Variants in LRP1B observed in about 807,000 individuals in gnomAD.
LRP1B encodes the protein LDL receptor related protein 1B.
A neutral mutation model predicts 556.6 loss-of-function variants in LRP1B; 217 were observed. The observed-to-expected ratio is 0.39, with a 90% CI of 0.35 to 0.44. The LOEUF is 0.44. Ranked by LOEUF, LRP1B falls within the 20% of genes least tolerant of loss-of-function variation. LRP1B has a pLI of 1.00. For synonymous variants in LRP1B, 2,047 were observed against 1,865.8 expected (o/e 1.10, Z -2.50); for missense variants, 5,053 against 5,620.8 (o/e 0.90, Z 3.23).
intron 23 of LRP1B, among the ~76,000 whole-genome samples, chr2:140,892,421 G>T (rs925481044): frequency 6.6e-6 from 1 of 152,120 alleles, no homozygotes; most frequent in Non-Finnish European, 1.5e-5. Flanking sequence ...GGAAATTAAG[G>T]CTAGTGAGTA....
chr2:140,242,573 A>T (rs190466792), intron 87 of LRP1B, among the ~76,000 whole-genome samples: 1 of 151,158 alleles, frequency 6.6e-6, no homozygotes, highest in African/African-American at 2.4e-5. Context: ...AGAATAACAA[A>T]TAAATGGGTT....
At chr2:142,043,898 CAT>C (rs1297530624) in intron 1 of LRP1B, among the ~76,000 whole-genome samples, 1 of 151,692 alleles carries the variant, frequency 6.6e-6, no homozygotes, top group Non-Finnish European at 1.5e-5. Context: ...ATAGGTGAGA[CAT>C]ATTTTGAATA....
At chr2:141,144,690 C>T (rs1701739063) in intron 7 of LRP1B, among the ~76,000 whole-genome samples, 1 of 152,220 alleles carries the variant, frequency 6.6e-6, no homozygotes, top group Admixed American at 6.5e-5. Flanking sequence ...ATAAAAGTAC[C>T]ATCAGGCACA....
chr2:141,755,215 C>T (rs770254291), intron 2 of LRP1B, among the ~76,000 whole-genome samples: 4 of 151,966 alleles, frequency 2.6e-5, no homozygotes, highest in Non-Finnish European at 4.4e-5. Flanking sequence ...CCATAAATTG[C>T]TTTAAAAGGC....
intron 7 of LRP1B, among the ~76,000 whole-genome samples, chr2:141,172,736 A>G (rs2105147971): frequency 6.6e-6 from 1 of 152,198 alleles, no homozygotes; most frequent in Non-Finnish European, 1.5e-5. Flanking sequence ...AAGTCTGTGG[A>G]AAAATAGACA....
At chr2:140,809,813 T>G (rs557664564) in intron 32 of LRP1B, among the ~76,000 whole-genome samples, 1 of 152,278 alleles carries the variant, frequency 6.6e-6, no homozygotes, top group South Asian at 2.1e-4. Flanking sequence ...ACTGCCTTTC[T>G]TCCCACGTGT....
intron 84 of LRP1B, among the ~76,000 whole-genome samples, chr2:140,286,880 G>A (rs1278355213): frequency 2.0e-5 from 3 of 151,622 alleles, no homozygotes; most frequent in African/African-American, 7.3e-5. Context: ...ATTTACAGAA[G>A]ACTTTTCTTA....
chr2:140,630,474 T>G (rs528724418), intron 41 of LRP1B, among the ~76,000 whole-genome samples: 2 of 152,242 alleles, frequency 1.3e-5, no homozygotes, highest in East Asian at 3.9e-4. Flanking sequence ...TGAGATCAGC[T>G]CACCAGGAGA....
intron 83 of LRP1B, among the ~76,000 whole-genome samples, chr2:140,314,576 T>G (rs1380732328): frequency 6.6e-6 from 1 of 152,088 alleles, no homozygotes; most frequent in Non-Finnish European, 1.5e-5. Context: ...AACAATTGAT[T>G]TTTAGCATTA....
At chr2:141,971,324 G>A (rs1447044601) in intron 1 of LRP1B, among the ~76,000 whole-genome samples, 1 of 151,330 alleles carries the variant, frequency 6.6e-6, no homozygotes, top group East Asian at 1.9e-4. Context: ...AGGTTACACA[G>A]AAGAAAAGTT....
In LRP1B at chr2:140,274,445, T is replaced by C; in HGVS notation, c.13121A>G (p.Asp4374Gly). 1 of 1,612,422 alleles carries C rather than the reference T, an allele frequency of 6.2e-7. No homozygotes were observed. The highest frequency in any genetic ancestry group is 8.5e-7 in the Non-Finnish European group (1 of 1,178,930). Residue 4374 changes from aspartate to glycine, a missense_variant, in exon 85 of 91, where the codon GAC becomes GGC. Around this residue, in one of 5 missense-constraint regions of LRP1B, gnomAD observed 551 missense variants for 592.0 expected, o/e 0.93. Coordinates refer to ENST00000389484, the MANE Select transcript of LRP1B (RefSeq NM_018557.3). ...TTACTTGCAAAATATATCTTCACTG[T>C]CTTTATTTATAATGCAGTGCCCCCC... ...CHGGHCIINK[D>G]SEDIFCNCTN...
At chr2:140,346,702 TTGTGTGTGCATGCATG>T (rs1324074051) in intron 77 of LRP1B, among the ~76,000 whole-genome samples, 1 of 151,770 alleles carries the variant, frequency 6.6e-6, no homozygotes. Flanking sequence ...CCTATGCACT[TTGTGTGTGCATGCATG>T]TGTGTGTGTA....
intron 3 of LRP1B, among the ~76,000 whole-genome samples, chr2:141,293,530 C>T (rs1435839230): frequency 6.6e-6 from 1 of 152,014 alleles, no homozygotes; most frequent in Non-Finnish European, 1.5e-5. Context: ...GTATAGTTAT[C>T]ATGCATACAC....
intron 18 of LRP1B, among the ~76,000 whole-genome samples, chr2:140,964,284 T>C (rs926790525): frequency 3.3e-5 from 5 of 152,126 alleles, no homozygotes; most frequent in Non-Finnish European, 5.9e-5. Flanking sequence ...ACTAGGAGCG[T>C]GACCACTGAA....
intron 1 of LRP1B, among the ~76,000 whole-genome samples, chr2:141,927,349 T>C (rs1338561377): frequency 6.6e-6 from 1 of 152,134 alleles, no homozygotes; most frequent in Non-Finnish European, 1.5e-5. Flanking sequence ...TCTAAATTTG[T>C]CTAAAGTTTT....
chr2:140,857,915 T>C (rs1692666630), intron 27 of LRP1B, among the ~76,000 whole-genome samples: 1 of 152,130 alleles, frequency 6.6e-6, no homozygotes, highest in Non-Finnish European at 1.5e-5. Context: ...TTATTCTCTG[T>C]TAATGTCACT....
intron 62 of LRP1B, among the ~76,000 whole-genome samples, chr2:140,452,879 T>G (rs1184917946): frequency 1.3e-5 from 2 of 151,744 alleles, no homozygotes; most frequent in Admixed American, 1.3e-4. Context: ...TAGAGCTCTA[T>G]GAATCCAATG....
intron 89 of LRP1B, among the ~76,000 whole-genome samples, chr2:140,236,068 T>A (rs1333137781): frequency 6.6e-6 from 1 of 150,982 alleles, no homozygotes; most frequent in Non-Finnish European, 1.5e-5. Context: ...AAATTTCAGA[T>A]GTAGGAGTGA....
At chr2:140,721,677 A>G (rs1239088515) in intron 35 of LRP1B, among the ~76,000 whole-genome samples, 2 of 145,814 alleles carry the variant, frequency 1.4e-5, no homozygotes, top group African/African-American at 5.1e-5. Flanking sequence ...CCTCCTGAGT[A>G]GCTGGGAATA....
Sources: allele counts gnomAD v4.1 joint callset (sites outside exome capture counted in the v4.1 genomes callset), GRCh38; gene constraint gnomAD v4.1.1; regional missense constraint gnomAD v4.1.1; transcripts MANE v1.5; gene names NCBI Gene and HGNC (gene_info 2026-07-23, HGNC 2026-07-21).